Variants in NCOA2 observed in about 807,000 individuals in gnomAD.
The protein encoded by NCOA2 is nuclear receptor coactivator 2, also known as class E basic helix-loop-helix protein 75.
A neutral mutation model predicts 145.1 loss-of-function variants in NCOA2; 21 were observed. The observed-to-expected ratio is 0.14, with a 90% confidence interval of 0.10 to 0.21. The LOEUF (loss-of-function observed/expected upper bound fraction) is 0.21, where lower values mean the gene tolerates loss of function less well. Among genes scored for constraint, NCOA2 ranks in the 10% least tolerant of loss-of-function variants. NCOA2 has a pLI of 1.00. For missense variants in NCOA2, 1,472 were observed against 1,837.6 expected (o/e 0.80, Z 3.64); for synonymous variants, 619 against 637.5 (o/e 0.97, Z 0.44).
chr8:70,421,929 T>C, the NCOA2 span, among the ~76,000 whole-genome samples: 3 of 152,036 alleles, frequency 2.0e-5, no homozygotes, highest in Non-Finnish European at 2.9e-5. Context: ...ACCCCATCTC[T>C]ACTAAAAATA....
Position 70,157,061 on chromosome 8 carries a change from C to A in NCOA2, c.1304G>T (p.Gly435Val). ...FPINGPKEQM[G>V]MPMGRFGGSG... The stretch of plus-strand genomic sequence containing the variant: ...ACCACCAAACCTGCCCATGGGCATG[C>A]CCATTTGTTCCTTTGGGCCATTTAT... The change falls in exon 11 of 23, where the codon GGC becomes GTC. Residue 435 changes from glycine to valine, a missense_variant. Physicochemically the swap from Gly to Val is moderately radical, Grantham distance 109. Coordinates refer to ENST00000452400, the MANE Select transcript of NCOA2 (RefSeq NM_006540.4). 1 of 1,614,058 alleles carries A rather than the reference C, an allele frequency of 6.2e-7. No individual in the cohort carries two copies. The highest frequency in any genetic ancestry group is 1.1e-5 in the South Asian group (1 of 91,090).
In NCOA2 at chr8:70,295,472, G is replaced by C. The variant is rs114784348; in HGVS notation, c.-20+1272C>G. ...CTTCAGGTTTGTTCTTTACTTGATT[G>C]TAAGAACCTTCTGGGACAGTGACAA... On this transcript the variant is annotated intron_variant, in intron 2 of 22. Transcript: ENST00000452400. Among the ~76,000 whole-genome samples, 579 of 152,198 alleles carry C rather than the reference G, an allele frequency of 3.8e-3. 3 individuals are homozygous for C. The highest frequency in any genetic ancestry group is 0.013 in the African/African-American group (548 of 41,526).
chr8:70,248,224 A>T (rs1417979016), intron 2 of NCOA2, among the ~76,000 whole-genome samples: 10 of 152,216 alleles, frequency 6.6e-5, no homozygotes, highest in Non-Finnish European at 1.5e-5. Flanking sequence ...ATTGAGGTAC[A>T]ATTTACATTC....
At chr8:70,119,388 T>C (rs1459658216) in intron 22 of NCOA2, among the ~76,000 whole-genome samples, 1 of 152,246 alleles carries the variant, frequency 6.6e-6, no homozygotes, top group Non-Finnish European at 1.5e-5. Flanking sequence ...AATGACATGA[T>C]TTCATTTTTT....
At chr8:70,219,775 C>A (rs1819984368) in intron 2 of NCOA2, among the ~76,000 whole-genome samples, 1 of 152,126 alleles carries the variant, frequency 6.6e-6, no homozygotes, top group South Asian at 2.1e-4. Context: ...AATAACAGAA[C>A]CTCATGAATG....
chr8:70,302,833 G>A (rs1212037273), intron 1 of NCOA2, among the ~76,000 whole-genome samples: 2 of 151,992 alleles, frequency 1.3e-5, no homozygotes, highest in Non-Finnish European at 2.9e-5. Flanking sequence ...AAAATTCATA[G>A]GCCATAATTA....
chr8:70,316,428 G>A (rs966990732), intron 1 of NCOA2, among the ~76,000 whole-genome samples: 1 of 152,114 alleles, frequency 6.6e-6, no homozygotes, highest in Non-Finnish European at 1.5e-5. Context: ...TCTCAATCCC[G>A]ATAGAACTCT....
chr8:70,135,730 C>T (rs991027490), intron 15 of NCOA2, among the ~76,000 whole-genome samples: 4 of 151,950 alleles, frequency 2.6e-5, no homozygotes, highest in East Asian at 1.9e-4. Context: ...AATATTAAGA[C>T]GAGAATAGAA....
chr8:70,440,679 AAGAAAGAG>A, the NCOA2 span, among the ~76,000 whole-genome samples: 1 of 151,774 alleles, frequency 6.6e-6, no homozygotes, highest in Admixed American at 6.6e-5. Context: ...GAGAGAAAGA[AAGAAAGAG>A]AGAAAGAGGA....
chr8:70,395,800 AAC>A (rs921234861), intron 1 of NCOA2, among the ~76,000 whole-genome samples: 2 of 152,234 alleles, frequency 1.3e-5, no homozygotes, highest in African/African-American at 4.8e-5. Context: ...TACCAGAACT[AAC>A]ACTCTCCAAG....
chr8:70,289,642 A>T lies in NCOA2; in HGVS notation c.-20+7102T>A, dbSNP rs73292842. Among the ~76,000 whole-genome samples, 637 of 152,238 alleles carry T rather than the reference A, an allele frequency of 4.2e-3. 5 individuals are homozygous for T. Among genetic ancestry groups the T allele is most frequent in the African/African-American group, 0.015 (608 of 41,538 alleles). Reference sequence around the variant, plus strand: ...CCAAAAAAGCCAAAACTGTTGGTTTAAAAAAAGGAAGTCCTTAATTCTACT... The same window carrying T: ...CCAAAAAAGCCAAAACTGTTGGTTTTAAAAAAGGAAGTCCTTAATTCTACT... On this transcript the variant is annotated intron_variant, in intron 2 of 22. Transcript: ENST00000452400.
intron 1 of NCOA2, among the ~76,000 whole-genome samples, chr8:70,351,162 T>C (rs1809152073): frequency 6.6e-6 from 1 of 152,192 alleles, no homozygotes; most frequent in Admixed American, 6.5e-5. Context: ...TCCCTCTTAA[T>C]ACTGTCACAA....
intron 14 of NCOA2, among the ~76,000 whole-genome samples, chr8:70,139,035 G>A (rs1037913574): frequency 3.9e-5 from 6 of 152,352 alleles, no homozygotes; most frequent in East Asian, 3.9e-4. Context: ...GCTCCTGAAC[G>A]TCGACTAACT....
chr8:70,132,436 AC>A (rs1809237186), intron 15 of NCOA2, among the ~76,000 whole-genome samples: 1 of 152,156 alleles, frequency 6.6e-6, no homozygotes, highest in Admixed American at 6.5e-5. Flanking sequence ...AGCTGTGATG[AC>A]CCACCTGGGA....
At chr8:70,323,959 T>C (rs1806321526) in intron 1 of NCOA2, among the ~76,000 whole-genome samples, 1 of 152,156 alleles carries the variant, frequency 6.6e-6, no homozygotes, top group African/African-American at 2.4e-5. Flanking sequence ...TGGGGTCCCA[T>C]TTCCCAGGCC....
At position 70,157,192 on chromosome 8, in the gene NCOA2, C is replaced by T. The variant is rs764065749; in HGVS notation, c.1173G>A (p.Met391Ile). The stretch of plus-strand genomic sequence containing the variant: ...AGCTAATTGGATTCAGTGGCTTCCC[C>T]ATCGTTTGTCCAGTCAGATCCGGAT... Reference protein sequence around the residue: ...VMNPDLTGQTMGKPLNPISSN... With the variant: ...VMNPDLTGQTIGKPLNPISSN... The change falls in exon 11 of 23, where the codon ATG (methionine) becomes ATA (isoleucine). Residue 391 changes from methionine to isoleucine, a missense_variant. Met to Ile is a conservative substitution (Grantham distance 10). This residue lies in a region of NCOA2 where 953 missense variants were observed against 1,062.1 expected (regional missense o/e 0.90). Coordinates refer to ENST00000452400, the MANE Select transcript of NCOA2 (RefSeq NM_006540.4). The T allele has an allele frequency of 1.3e-6, 2 of 1,591,034 alleles. No homozygotes were observed. Among genetic ancestry groups the T allele is most frequent in the Admixed American group, 3.4e-5 (2 of 58,828 alleles).
At chr8:70,222,306 A>G (rs896073540) in intron 2 of NCOA2, among the ~76,000 whole-genome samples, 1 of 152,226 alleles carries the variant, frequency 6.6e-6, no homozygotes, top group Non-Finnish European at 1.5e-5. Flanking sequence ...TGATTTTTCA[A>G]TACTAAAACA....
Position 70,111,037 on chromosome 8 carries a change from A to G in NCOA2, c.*2595T>C, listed in dbSNP as rs1383601168. 1 of 222,928 alleles carries G rather than the reference A, an allele frequency of 4.5e-6. No individual in the cohort carries two copies. Among genetic ancestry groups the G allele is most frequent in the African/African-American group, 2.2e-5 (1 of 44,834 alleles). The allele number at this position is 222,928 out of a possible 1,614,324, so 13.8% of individuals were successfully genotyped here. On this transcript the variant is annotated 3_prime_UTR_variant, in exon 23 of 23. Coordinates refer to ENST00000452400, the MANE Select transcript of NCOA2 (RefSeq NM_006540.4). ...TTGGCTTTTGCTTCTATAGTGATCA[A>G]TATGATCAGAGGATTCCTTCACTTA... is the stretch of plus-strand genomic sequence containing the variant.
At chr8:70,333,159 A>G (rs535242466) in intron 1 of NCOA2, among the ~76,000 whole-genome samples, 1 of 152,178 alleles carries the variant, frequency 6.6e-6, no homozygotes, top group Non-Finnish European at 1.5e-5. Context: ...TTTATCAAAG[A>G]GCTGGCTGGA....
Sources: gnomAD v4.1 joint callset for allele counts (sites outside exome capture counted in the v4.1 genomes callset) on GRCh38, gnomAD v4.1.1 for gene constraint, gnomAD v4.1.1 regional missense constraint, MANE v1.5 for transcripts, NCBI Gene and HGNC (gene_info 2026-07-23, HGNC 2026-07-21) for gene names.